KDM2B: variants seen among roughly 807,000 people sequenced by gnomAD.
KDM2B encodes the protein lysine-specific demethylase 2B.
KDM2B carries 26 observed loss-of-function variants against 150.0 expected under a neutral mutation model. The ratio of observed to expected loss-of-function variants is 0.17; its 90% CI spans 0.13 to 0.24. The LOEUF (loss-of-function observed/expected upper bound fraction) is 0.24, where lower values mean the gene tolerates loss of function less well. Among genes scored for constraint, KDM2B ranks in the 10% least tolerant of loss-of-function variants. The pLI is 1.00. For missense variants in KDM2B, 1,265 were observed against 1,816.9 expected, an observed-to-expected ratio of 0.70 and a Z score of 5.52; for synonymous variants, 734 against 729.5, an observed-to-expected ratio of 1.01 and a Z score of -0.10.
At chr12:121,546,582 T>A (rs2141945607) in intron 6 of KDM2B, among the ~76,000 whole-genome samples, 1 of 151,472 alleles carries the variant, frequency 6.6e-6, no homozygotes, top group Middle Eastern at 3.4e-3. Flanking sequence ...TGTTTGTTTG[T>A]TTAGTAGAGA....
At chr12:121,432,028 C>T (rs1382981631) in intron 22 of KDM2B, among the ~76,000 whole-genome samples, 1 of 151,570 alleles carries the variant, frequency 6.6e-6, no homozygotes, top group Non-Finnish European at 1.5e-5. Context: ...TTACAGGTGC[C>T]GGCCACCACG....
At chr12:121,462,341 C>G (rs1879227048) in intron 12 of KDM2B, among the ~76,000 whole-genome samples, 1 of 152,242 alleles carries the variant, frequency 6.6e-6, no homozygotes, top group African/African-American at 2.4e-5. Flanking sequence ...ACTAAAAACA[C>G]AAGAACTACC....
intron 10 of KDM2B, among the ~76,000 whole-genome samples, chr12:121,510,362 G>A (rs1391266705): frequency 7.9e-5 from 12 of 152,014 alleles, no homozygotes; most frequent in African/African-American, 2.7e-4. Context: ...TGCAACCTCC[G>A]CCTCCCGGGT....
chr12:121,531,495 C>A (rs1555307798), intron 8 of KDM2B, among the ~76,000 whole-genome samples: 1 of 152,196 alleles, frequency 6.6e-6, no homozygotes, highest in East Asian at 1.9e-4. Context: ...CAAGCTTCCA[C>A]CCAGTTGTAG....
intron 4 of KDM2B, among the ~76,000 whole-genome samples, chr12:121,566,084 C>T (rs1466536438): frequency 1.3e-5 from 2 of 152,104 alleles, no homozygotes; most frequent in African/African-American, 4.8e-5. Context: ...AACAATAAGG[C>T]TTTTTGAGAA....
At chr12:121,576,199 T>C (rs1424604947) in intron 2 of KDM2B, among the ~76,000 whole-genome samples, 2 of 152,036 alleles carry the variant, frequency 1.3e-5, no homozygotes, top group Admixed American at 6.6e-5. Flanking sequence ...CAGCCATTGC[T>C]GAGAAAGAGG....
intron 12 of KDM2B, chr12:121,469,223 T>G (rs1880468692): frequency 6.6e-6 from 1 of 151,606 alleles, no homozygotes; most frequent in African/African-American, 2.4e-5. Context: ...TTTCAGAATC[T>G]TCTCAAAGTT....
intron 6 of KDM2B, among the ~76,000 whole-genome samples, chr12:121,546,487 ATTCTCC>A (rs1383185699): frequency 7.2e-6 from 1 of 139,076 alleles, no homozygotes; most frequent in Non-Finnish European, 1.5e-5. Context: ...GGTTCACATC[ATTCTCC>A]TGCCTCAGCC....
the KDM2B span, chr12:121,418,140 T>C: frequency 1.8e-6 from 1 of 541,176 alleles, no homozygotes; most frequent in East Asian, 3.1e-5. Context: ...AAATAGCTCA[T>C]CAGTCTCTTG....
In KDM2B at chr12:121,533,078, G is replaced by C; in HGVS notation, c.778-119C>G. On this transcript the variant is annotated intron_variant, in intron 7 of 22. Transcript: ENST00000377071. This position sits in a 1 kb window ranked among gnomAD's most constrained non-coding sequence, Gnocchi z 4.1. ...AGACAAGCTGTGTGTGGGGTGGGGGGTGTGGAGAGATGGCAGATCCATCCC... is the reference window on the plus strand; with the variant it reads ...AGACAAGCTGTGTGTGGGGTGGGGGCTGTGGAGAGATGGCAGATCCATCCC... 1 of 971,646 alleles carries C rather than the reference G, an allele frequency of 1.0e-6. No homozygotes were observed. The highest frequency in any genetic ancestry group is 2.7e-4 in the Middle Eastern group (1 of 3,740). The allele number at this position is 971,646 out of a possible 1,614,324, so 60.2% of individuals were successfully genotyped here.
chr12:121,451,280 T>C (rs1325049046), intron 13 of KDM2B, among the ~76,000 whole-genome samples: 1 of 152,218 alleles, frequency 6.6e-6, no homozygotes, highest in Non-Finnish European at 1.5e-5. Flanking sequence ...CTTCTTAATA[T>C]TTTCTTTTCT....
chr12:121,435,718 T>C (rs1012633479), intron 22 of KDM2B, among the ~76,000 whole-genome samples: 2 of 152,162 alleles, frequency 1.3e-5, no homozygotes, highest in African/African-American at 4.8e-5. Context: ...AGCCCCATAC[T>C]TGACCATACC....
intron 12 of KDM2B, among the ~76,000 whole-genome samples, chr12:121,486,456 G>C (rs896700958): frequency 8.9e-5 from 13 of 146,268 alleles, no homozygotes; most frequent in African/African-American, 3.3e-4. Flanking sequence ...TGAGATTACA[G>C]GCGTGAGCCA....
chr12:121,445,296 G>A lies in KDM2B; in HGVS notation c.2082C>T (p.Ile694=). The change falls in exon 14 of 23, where the codon ATC becomes ATT. Residue 694 remains isoleucine, a synonymous_variant. Transcript: ENST00000377071. ...TCACCTTAAGGCATCCAGGGTGGAT[G>A]ATTTCATTGCAGATGGAGCACTCCA... is the stretch of plus-strand genomic sequence containing the variant. The part of the protein sequence containing the change: ...MLMECSICNE[I]IHPGCLKIKE... The A allele has an allele frequency of 1.9e-6, 3 of 1,614,100 alleles. No homozygotes were observed. Among genetic ancestry groups the A allele is most frequent in the Non-Finnish European group, 2.5e-6 (3 of 1,179,976 alleles).
intron 12 of KDM2B, among the ~76,000 whole-genome samples, chr12:121,476,185 C>G (rs1015861975): frequency 1.3e-5 from 2 of 152,028 alleles, no homozygotes; most frequent in Non-Finnish European, 2.9e-5. Flanking sequence ...ATCCCAGCTA[C>G]TCGGGAGGCT....
At chr12:121,470,355 T>G (rs1401258439) in intron 12 of KDM2B, 2 of 152,162 alleles carry the variant, frequency 1.3e-5, no homozygotes, top group Admixed American at 6.6e-5. Flanking sequence ...TTTATATCAT[T>G]TCAGAGATAG....
At chr12:121,532,052 T>C (rs1887699532) in intron 8 of KDM2B, among the ~76,000 whole-genome samples, 1 of 151,000 alleles carries the variant, frequency 6.6e-6, no homozygotes, top group Non-Finnish European at 1.5e-5. Flanking sequence ...ACCTGGGAGG[T>C]GAAGGTTGCA....
At position 121,444,103 on chromosome 12, in the gene KDM2B, G is replaced by A. The variant is rs369468363; in HGVS notation, c.2360C>T (p.Pro787Leu). The change falls in exon 16 of 23, where the codon CCG becomes CTG. Residue 787 changes from proline (P) to leucine (L), a missense_variant. This residue lies in a region of KDM2B where 418 missense variants were observed against 402.4 expected (regional missense o/e 1.04). Coordinates refer to ENST00000377071, the MANE Select transcript of KDM2B (RefSeq NM_032590.5). ...AGACTTTCTGCGCAGAAGGCCGTCC[G>A]GCGGCACCTTCTTCGAGTGCTCATC... Reference protein sequence around the residue: ...RSDEHSKKVPPDGLLRRKSDD... With the variant: ...RSDEHSKKVPLDGLLRRKSDD... 5.3e-5 allele frequency: 86 copies of A among 1,613,694 alleles called. 2 individuals are homozygous for A. In the African/African-American group the frequency reaches 8.3e-4, roughly 15 times the overall value.
At chr12:121,576,291 G>A (rs1891487049) in intron 2 of KDM2B, among the ~76,000 whole-genome samples, 1 of 152,224 alleles carries the variant, frequency 6.6e-6, no homozygotes, top group African/African-American at 2.4e-5. Context: ...GGGAGGATCT[G>A]AAGGCCCAGA....
Sources: allele counts gnomAD v4.1 joint callset (sites outside exome capture counted in the v4.1 genomes callset), GRCh38; gene constraint gnomAD v4.1.1; regional missense constraint gnomAD v4.1.1; non-coding constraint Gnocchi (gnomAD v3.1); transcripts MANE v1.5; gene names NCBI Gene and HGNC (gene_info 2026-07-23, HGNC 2026-07-21).